UGGT2: variants seen among roughly 807,000 people sequenced by gnomAD.
UGGT2 encodes the protein UDP-glucose:glycoprotein glucosyltransferase 2.
A neutral mutation model predicts 192.1 loss-of-function variants in UGGT2; 180 were observed. The observed-to-expected ratio is 0.94, with a 90% confidence interval of 0.83 to 1.06. The LOEUF (loss-of-function observed/expected upper bound fraction) is 1.06, where lower values mean the gene tolerates loss of function less well. UGGT2 is among the 50% of genes least tolerant of loss of function. The probability of loss-of-function intolerance (pLI) is 0.00; values close to 1 mark genes in which losing one functional copy is unlikely to be tolerated. For missense variants in UGGT2, 1,849 were observed against 1,795.7 expected (o/e 1.03, Z -0.54); for synonymous variants, 580 against 591.0 (o/e 0.98, Z 0.27).
In UGGT2 at chr13:95,881,076, G is replaced by C. The variant is rs1363816872; in HGVS notation, c.3229-3220C>G. Among the ~76,000 whole-genome samples the C allele has an allele frequency of 2.6e-5, 4 of 152,050 alleles. No homozygotes were observed. The East Asian group carries it at 7.7e-4, about 29-fold the overall frequency. On this transcript the variant is annotated intron_variant, in intron 27 of 38. Coordinates refer to ENST00000376747, the MANE Select transcript of UGGT2 (RefSeq NM_020121.4). Reference sequence around the variant, plus strand: ...GCAGTCCTAGCTACTCGGGGGGCTGGGACAGGAGAATGGCATGAACCCGGG... The same window carrying C: ...GCAGTCCTAGCTACTCGGGGGGCTGCGACAGGAGAATGGCATGAACCCGGG...
intron 38 of UGGT2, chr13:95,809,415 C>T (rs1884471189): frequency 2.6e-6 from 1 of 391,192 alleles, no homozygotes; most frequent in African/African-American, 2.1e-5. Context: ...TGATTAGCCA[C>T]TTCAGCCCAT....
chr13:95,808,578 A>G (rs992569746), intron 38 of UGGT2, among the ~76,000 whole-genome samples: 1 of 152,056 alleles, frequency 6.6e-6, no homozygotes, highest in African/African-American at 2.4e-5. Context: ...AATTCTTCAC[A>G]TATGTACCAA....
At chr13:95,965,468 A>T (rs1421999416) in intron 12 of UGGT2, among the ~76,000 whole-genome samples, 2 of 151,776 alleles carry the variant, frequency 1.3e-5, no homozygotes, top group African/African-American at 2.4e-5. Flanking sequence ...GGAAATCATC[A>T]TTCTCAGTAA....
intron 29 of UGGT2, among the ~76,000 whole-genome samples, chr13:95,870,704 G>A (rs767330384): frequency 6.6e-6 from 1 of 152,208 alleles, no homozygotes; most frequent in Non-Finnish European, 1.5e-5. Flanking sequence ...CCAATTGCTT[G>A]TGTTAAATAC....
At chr13:96,039,230 T>G (rs1257968332) in intron 1 of UGGT2, among the ~76,000 whole-genome samples, 1 of 121,748 alleles carries the variant, frequency 8.2e-6, no homozygotes, top group Non-Finnish European at 1.9e-5. Context: ...TACAGCCAAG[T>G]AGCTCTATAG....
chr13:95,974,403 T>C (rs1463225035), intron 10 of UGGT2, among the ~76,000 whole-genome samples: 1 of 152,212 alleles, frequency 6.6e-6, no homozygotes, highest in African/African-American at 2.4e-5. Flanking sequence ...ACATTCGTTT[T>C]AGTGGAGCTC....
chr13:95,972,670 TC>T lies in UGGT2; in HGVS notation c.1093del (p.Asp365IlefsTer17). 1.2e-6 allele frequency: 2 copies of T among 1,612,220 alleles called. No individual in the cohort carries two copies. The highest frequency in any genetic ancestry group is 1.7e-6 in the Non-Finnish European group (2 of 1,178,488). On this transcript the variant is annotated frameshift_variant and splice_region_variant, in exon 11 of 39. Coordinates refer to ENST00000376747, the MANE Select transcript of UGGT2 (RefSeq NM_020121.4). LOFTEE classifies it high-confidence loss of function. Reference protein sequence around the residue: ...MREEIKENQKDLQVRFKIQPG... With the variant: ...MREEIKENQKXLQVRFKIQPG... ...CTGAATTTTAAATCTAACTTGAAGATCCTTGAAGTAGAGCAAAGCAATAGTT... is the reference window on the plus strand; with the variant it reads ...CTGAATTTTAAATCTAACTTGAAGATCTTGAAGTAGAGCAAAGCAATAGTT...
intron 37 of UGGT2, among the ~76,000 whole-genome samples, chr13:95,836,415 ATTC>A (rs1887295536): frequency 6.6e-6 from 1 of 152,178 alleles, no homozygotes; most frequent in African/African-American, 2.4e-5. Context: ...TGAAATTGCT[ATTC>A]TTAGAAAGAC....
At chr13:95,914,584 G>T (rs2048617817) in intron 20 of UGGT2, among the ~76,000 whole-genome samples, 1 of 129,726 alleles carries the variant, frequency 7.7e-6, no homozygotes, top group Non-Finnish European at 1.6e-5. Flanking sequence ...AGACCACTCT[G>T]GCCATTATGG....
At chr13:95,997,396 C>T (rs2051658092) in intron 6 of UGGT2, among the ~76,000 whole-genome samples, 1 of 152,038 alleles carries the variant, frequency 6.6e-6, no homozygotes, top group Admixed American at 6.5e-5. Context: ...GCCTGTAATC[C>T]CAACACTTTG....
Position 95,937,064 on chromosome 13 carries a change from T to C in UGGT2, c.1837A>G (p.Thr613Ala). Residue 613 changes from threonine to alanine, a missense_variant, in exon 17 of 39, where the codon ACT (threonine) becomes GCT (alanine). Physicochemically the swap from Thr to Ala is moderately conservative, Grantham distance 58. Transcript: ENST00000376747. ...GCTTGAGGCAAAGGACCCAGGCCAG[T>C]CATCTTATAAAAGCTTGCTCCAGCC... The part of the protein sequence containing the change: ...RKAGASFYKM[T>A]GLGPLPQALY... 1 of 1,599,076 alleles carries C rather than the reference T, an allele frequency of 6.3e-7. No individual in the cohort carries two copies. The highest frequency in any genetic ancestry group is 8.5e-7 in the Non-Finnish European group (1 of 1,176,820).
At chr13:95,870,231 TATG>T (rs1357694620) in intron 29 of UGGT2, among the ~76,000 whole-genome samples, 4 of 152,212 alleles carry the variant, frequency 2.6e-5, no homozygotes, top group Non-Finnish European at 5.9e-5. Context: ...TGGTGTATAT[TATG>T]ATATGGCAGG....
intron 1 of UGGT2, among the ~76,000 whole-genome samples, chr13:96,039,108 T>C (rs2139190352): frequency 6.6e-6 from 1 of 152,316 alleles, no homozygotes; most frequent in Non-Finnish European, 1.5e-5. Context: ...TTCCATTATG[T>C]TTCAAAGCCT....
chr13:95,831,277 A>T (rs910097226), intron 38 of UGGT2, among the ~76,000 whole-genome samples: 31 of 152,098 alleles, frequency 2.0e-4, no homozygotes, highest in Non-Finnish European at 2.6e-4. Context: ...AAAGTATAAT[A>T]ATAATAAAAA....
rs182551277 is a variant in UGGT2, at chr13:95,863,532, C to T, written c.3644+97G>A. ...ATCTTATCCCTCCTAGATTAGAGGA[C>T]CTTTGCCTTACTTAAATTTTCACTA... On this transcript the variant is annotated intron_variant, in intron 31 of 38. Coordinates refer to ENST00000376747, the MANE Select transcript of UGGT2 (RefSeq NM_020121.4). The T allele has an allele frequency of 8.4e-4, 752 of 897,540 alleles. 5 individuals are homozygous for T. Among genetic ancestry groups the T allele is most frequent in the Middle Eastern group, 4.1e-3 (12 of 2,918 alleles). The allele number at this position is 897,540 out of a possible 1,614,324, so 55.6% of individuals were successfully genotyped here.
rs2049489846 is a variant in UGGT2 at position 95,937,066 on chromosome 13, A to G, written c.1835T>C (p.Met612Thr). The G allele has an allele frequency of 6.3e-7, 1 of 1,598,520 alleles. No homozygotes were observed. The highest frequency in any genetic ancestry group is 8.5e-7 in the Non-Finnish European group (1 of 1,176,722). The part of the protein sequence containing the change: ...ERKAGASFYK[M>T]TGLGPLPQAL... Reference sequence around the variant, plus strand: ...TTGAGGCAAAGGACCCAGGCCAGTCATCTTATAAAAGCTTGCTCCAGCCTA... The same window carrying G: ...TTGAGGCAAAGGACCCAGGCCAGTCGTCTTATAAAAGCTTGCTCCAGCCTA... The change falls in exon 17 of 39, where the codon ATG (methionine) becomes ACG (threonine). Residue 612 changes from methionine (M) to threonine (T), a missense_variant. Transcript: ENST00000376747.
At chr13:96,018,042 C>T (rs560661419) in intron 4 of UGGT2, among the ~76,000 whole-genome samples, 27 of 152,294 alleles carry the variant, frequency 1.8e-4, no homozygotes, top group South Asian at 6.2e-4. Context: ...AGTCTACTAA[C>T]TATAAAACCT....
chr13:95,967,912 A>C (rs890848744), intron 12 of UGGT2, among the ~76,000 whole-genome samples: 14 of 152,212 alleles, frequency 9.2e-5, no homozygotes, highest in African/African-American at 3.4e-4. Context: ...ATAAATCATT[A>C]TCTTCCAAAT....
intron 13 of UGGT2, among the ~76,000 whole-genome samples, chr13:95,948,867 C>T (rs964684629): frequency 4.6e-5 from 7 of 152,132 alleles, no homozygotes; most frequent in African/African-American, 1.7e-4. Context: ...CCCCATGTGC[C>T]GTAGGAGGGA....
Sources: allele counts gnomAD v4.1 joint callset (sites outside exome capture counted in the v4.1 genomes callset), GRCh38; gene constraint gnomAD v4.1.1; transcripts MANE v1.5; gene names NCBI Gene and HGNC (gene_info 2026-07-23, HGNC 2026-07-21).